AKAP19: variants seen among roughly 807,000 people sequenced by gnomAD.
AKAP19 encodes the protein small A-kinase anchoring protein.
chr2:189,976,151 G>T, the AKAP19 span, among the ~76,000 whole-genome samples: 1 of 152,126 alleles, frequency 6.6e-6, no homozygotes, highest in Non-Finnish European at 1.5e-5. Flanking sequence ...TACAGATGGG[G>T]TTTTGGTGTG....
At chr2:190,091,169 A>C in the AKAP19 span, among the ~76,000 whole-genome samples, 3 of 152,250 alleles carry the variant, frequency 2.0e-5, no homozygotes, top group African/African-American at 4.8e-5. Context: ...ATGCCTATAA[A>C]GTTCAACAAT....
chr2:190,103,391 G>A, the AKAP19 span, among the ~76,000 whole-genome samples: 1 of 152,208 alleles, frequency 6.6e-6, no homozygotes, highest in Non-Finnish European at 1.5e-5. Flanking sequence ...AAAAGAAGAA[G>A]TGAAACTATC....
At chr2:190,124,390 A>G in the AKAP19 span, among the ~76,000 whole-genome samples, 3 of 152,370 alleles carry the variant, frequency 2.0e-5, no homozygotes, top group Admixed American at 2.0e-4. Context: ...CCTGTACAGC[A>G]TGTTACTGTA....
the AKAP19 span, among the ~76,000 whole-genome samples, chr2:190,148,770 T>C: frequency 6.6e-6 from 1 of 152,214 alleles, no homozygotes; most frequent in Non-Finnish European, 1.5e-5. Context: ...CCATCTCTTC[T>C]AAGTTTTCTA....
At chr2:190,183,874 C>A in the AKAP19 span, among the ~76,000 whole-genome samples, 2 of 151,884 alleles carry the variant, frequency 1.3e-5, no homozygotes, top group Non-Finnish European at 2.9e-5. Flanking sequence ...GCTTGAAAAT[C>A]ATTTGCTTTT....
chr2:189,882,729 C>G, the AKAP19 span, among the ~76,000 whole-genome samples: 285 of 152,142 alleles, frequency 1.9e-3, no homozygotes, highest in Non-Finnish European at 3.2e-3. Flanking sequence ...GGGTGAAATT[C>G]AACAGAACTG....
At chr2:190,070,962 G>A in the AKAP19 span, among the ~76,000 whole-genome samples, 27 of 152,046 alleles carry the variant, frequency 1.8e-4, no homozygotes, top group Non-Finnish European at 1.9e-4. Flanking sequence ...CATGCACTGC[G>A]TAACAATCTC....
At chr2:189,992,262 G>A in the AKAP19 span, among the ~76,000 whole-genome samples, 1 of 151,910 alleles carries the variant, frequency 6.6e-6, no homozygotes, top group South Asian at 2.1e-4. Context: ...CACCATGTTG[G>A]CCAGGCTGGT....
the AKAP19 span, among the ~76,000 whole-genome samples, chr2:189,920,521 G>A: frequency 2.0e-5 from 3 of 152,194 alleles, no homozygotes; most frequent in African/African-American, 7.2e-5. Context: ...TAGCTAAAAT[G>A]TAGTGTTCTA....
At chr2:190,157,120 C>G in the AKAP19 span, among the ~76,000 whole-genome samples, 1 of 152,034 alleles carries the variant, frequency 6.6e-6, no homozygotes, top group African/African-American at 2.4e-5. Flanking sequence ...CTCTTTTGAT[C>G]CTCACCACAA....
chr2:189,918,109 A>G, the AKAP19 span, among the ~76,000 whole-genome samples: 1 of 151,986 alleles, frequency 6.6e-6, no homozygotes, highest in African/African-American at 2.4e-5. Flanking sequence ...TCTCCTATTT[A>G]TAATTGTCTT....
the AKAP19 span, chr2:189,930,315 A>C: frequency 3.1e-6 from 2 of 647,874 alleles, no homozygotes; most frequent in African/African-American, 3.8e-5. Flanking sequence ...TCCATGGAGG[A>C]GGGGCACGTG....
At chr2:190,070,428 C>T in the AKAP19 span, among the ~76,000 whole-genome samples, 3 of 150,496 alleles carry the variant, frequency 2.0e-5, no homozygotes, top group Non-Finnish European at 3.0e-5. Flanking sequence ...GAACTAGGTA[C>T]AACCTTGACT....
At chr2:189,990,004 A>G in the AKAP19 span, among the ~76,000 whole-genome samples, 1 of 152,184 alleles carries the variant, frequency 6.6e-6, no homozygotes. Flanking sequence ...TTTCCCAGAA[A>G]TCGACTGACT....
At chr2:189,964,870 G>A in the AKAP19 span, among the ~76,000 whole-genome samples, 2 of 152,134 alleles carry the variant, frequency 1.3e-5, no homozygotes, top group African/African-American at 4.8e-5. Context: ...ACTGCAATAA[G>A]GCTGAATCAC....
the AKAP19 span, among the ~76,000 whole-genome samples, chr2:189,909,876 G>A: frequency 2.0e-5 from 3 of 151,706 alleles, no homozygotes; most frequent in African/African-American, 7.3e-5. Flanking sequence ...CATCCACTTT[G>A]ATGATGAATA....
At chr2:189,895,632 G>A in the AKAP19 span, among the ~76,000 whole-genome samples, 2 of 152,134 alleles carry the variant, frequency 1.3e-5, no homozygotes, top group Non-Finnish European at 2.9e-5. Context: ...CTCCAAAGGA[G>A]AAGCATCATG....
the AKAP19 span, among the ~76,000 whole-genome samples, chr2:189,940,042 G>A: frequency 6.6e-6 from 1 of 152,162 alleles, no homozygotes. Context: ...CACTTTGGGA[G>A]GCCGAGGTGG....
chr2:190,198,631 CAAAAAAA>C, the AKAP19 span, among the ~76,000 whole-genome samples: 2,346 of 70,714 alleles, frequency 0.033, 26 homozygotes, highest in Non-Finnish European at 0.048. Flanking sequence ...GACCCTGTCT[CAAAAAAA>C]AAAAAAAAAA....
Sources: gnomAD v4.1 joint callset for allele counts (sites outside exome capture counted in the v4.1 genomes callset) on GRCh38, gnomAD v4.1.1 for gene constraint, MANE v1.5 for transcripts, NCBI Gene and HGNC (gene_info 2026-07-23, HGNC 2026-07-21) for gene names.